KRIT1: variants seen among roughly 807,000 people sequenced by gnomAD.
KRIT1 encodes the protein KRIT1 ankyrin repeat containing, also known as krev interaction trapped protein 1.
A neutral mutation model predicts 95.8 loss-of-function variants in KRIT1; 45 were observed. The observed-to-expected ratio is 0.47, with a 90% CI of 0.37 to 0.60. The LOEUF (loss-of-function observed/expected upper bound fraction) is 0.60, where lower values mean the gene tolerates loss of function less well. Ranked by LOEUF, KRIT1 falls within the 20% of genes least tolerant of loss-of-function variation. The pLI, the probability that KRIT1 is intolerant of heterozygous loss-of-function variation, is 0.00. For missense variants in KRIT1, 788 were observed against 877.5 expected, an observed-to-expected ratio of 0.90 and a Z score of 1.29; for synonymous variants, 282 against 278.8, an observed-to-expected ratio of 1.01 and a Z score of -0.11.
intron 8 of KRIT1, among the ~76,000 whole-genome samples, 200 bp from the exon 9 acceptor site, chr7:92,235,123 C>T (rs893235491): frequency 5.3e-5 from 8 of 152,090 alleles, no homozygotes; most frequent in South Asian, 2.1e-4. Flanking sequence ...CCTCAGTCTC[C>T]GGGGTAGCTA....
intron 6 of KRIT1, among the ~76,000 whole-genome samples, chr7:92,236,957 A>C (rs536531901): frequency 6.6e-6 from 1 of 152,170 alleles, no homozygotes. Flanking sequence ...TTAATATAGT[A>C]TATCATCAGT....
chr7:92,200,768 C>T lies in KRIT1; in HGVS notation c.2179G>A (p.Gly727Arg). The change falls in exon 19 of 19, where the codon GGA (glycine) becomes AGA (arginine). Residue 727 changes from glycine (G) to arginine (R), a missense_variant. By Grantham distance (125) the Gly-to-Arg change is moderately radical (BLOSUM62 -2). Transcript: ENST00000394505. The part of the protein sequence containing the change: ...LVVKLLMKLN[G>R]QLMPTERNS Reference sequence around the variant, plus strand: ...TTTCTTTCAGTGGGCATTAACTGTCCATTTAGCTTCATTAACAGTTTTACC... The same window carrying T: ...TTTCTTTCAGTGGGCATTAACTGTCTATTTAGCTTCATTAACAGTTTTACC... The T allele has an allele frequency of 6.2e-7, 1 of 1,609,170 alleles. No homozygotes were observed. The highest frequency in any genetic ancestry group is 8.5e-7 in the Non-Finnish European group (1 of 1,175,672).
Position 92,242,034 on chromosome 7 carries a change from T to A in KRIT1, c.102A>T (p.Glu34Asp). Residue 34 changes from glutamate to aspartate, a missense_variant and splice_region_variant, in exon 4 of 19, where the codon GAA becomes GAT. Transcript: ENST00000394505. ...ATAAATTATTATTAAATGTTCTTAC[T>A]TCATATGACTTAGCTCTGTATTCCC... is the stretch of plus-strand genomic sequence containing the variant. ...NSREYRAKSY[E>D]ILLHEVPIEG... 7.0e-7 allele frequency: 1 copy of A among 1,422,430 alleles called. No homozygotes were observed. Among genetic ancestry groups the A allele is most frequent in the South Asian group, 1.2e-5 (1 of 86,556 alleles). 88.1% of individuals were successfully genotyped at this position (1,422,430 alleles called of 1,614,324 possible).
At chr7:92,240,242 A>G (rs974595778) in intron 5 of KRIT1, among the ~76,000 whole-genome samples, 8 of 152,204 alleles carry the variant, frequency 5.3e-5, no homozygotes, top group Admixed American at 1.3e-4. Context: ...TCTCTGCAAC[A>G]AAAACCATCT....
chr7:92,239,080 G>A (rs993302117), intron 5 of KRIT1, among the ~76,000 whole-genome samples: 1 of 152,132 alleles, frequency 6.6e-6, no homozygotes, highest in Non-Finnish European at 1.5e-5. Context: ...ATACAGTATG[G>A]CTCATTAATA....
At chr7:92,233,606 C>T (rs1797796282) in intron 10 of KRIT1, among the ~76,000 whole-genome samples, 1 of 151,638 alleles carries the variant, frequency 6.6e-6, no homozygotes, top group African/African-American at 2.4e-5. Flanking sequence ...GGGGTTTCAC[C>T]ATGTTAGCCA....
intron 9 of KRIT1, 56 bp from the exon 10 acceptor site, chr7:92,234,648 A>G (rs1798017229): frequency 2.1e-5 from 31 of 1,500,868 alleles, no homozygotes; most frequent in Non-Finnish European, 2.8e-5. Context: ...AATTGTTTCA[A>G]AAGAAATGTG....
At chr7:92,217,357 T>A (rs1403585538) in intron 14 of KRIT1, among the ~76,000 whole-genome samples, 1 of 152,216 alleles carries the variant, frequency 6.6e-6, no homozygotes, top group Admixed American at 6.5e-5. Context: ...TGTGCTACCA[T>A]CACTACTATC....
At position 92,227,950 on chromosome 7, in the gene KRIT1, T is replaced by G. The variant is rs184483175; in HGVS notation, c.990-1268A>C. Among the ~76,000 whole-genome samples, 763 of 152,028 alleles carry G rather than the reference T, an allele frequency of 5.0e-3. 8 individuals carry two copies. Among genetic ancestry groups the G allele is most frequent in the African/African-American group, 0.017 (701 of 41,524 alleles). On this transcript the variant is annotated intron_variant, in intron 10 of 18. Coordinates refer to ENST00000394505, the MANE Select transcript of KRIT1 (RefSeq NM_194454.3). ...TCACTTGAACCCAGGAGGCGGAGGT[T>G]GCAGTGAGCCAGAGATCGCGCCATT...
chr7:92,238,777 A>G lies in KRIT1; in HGVS notation c.263-1018T>C, dbSNP rs78901239. On this transcript the variant is annotated intron_variant, in intron 5 of 18. Transcript: ENST00000394505. ...CAGGGAAGCACTGACAAGTTAGGAG[A>G]TGAAGGTTCTAGTCCTAATTCCTCT... 4.9e-3 allele frequency among the ~76,000 whole-genome samples: 750 copies of G among 152,310 alleles called. 6 individuals are homozygous for G. The highest frequency in any genetic ancestry group is 8.2e-3 in the Non-Finnish European group (560 of 68,012).
Position 92,225,702 on chromosome 7 carries a change from T to C in KRIT1, c.1254+18A>G. 7.8e-7 allele frequency: 1 copy of C among 1,276,482 alleles called. No homozygotes were observed. The highest frequency in any genetic ancestry group is 1.1e-6 in the Non-Finnish European group (1 of 873,164). The allele number at this position is 1,276,482 out of a possible 1,614,324, so 79.1% of individuals were successfully genotyped here. ...TTTAAATACTATGCCTGGCTCTAAC[T>C]ATGAAGATAATTCTTACTGGTTTGT... On this transcript the variant is annotated intron_variant, in intron 12 of 18. Transcript: ENST00000394505.
chr7:92,235,605 G>C lies in KRIT1; in HGVS notation c.527C>G (p.Ala176Gly), dbSNP rs1798272943. The part of the protein sequence containing the change: ...ERHAQSHFIP[A>G]LFRPSPLERI... ...CTCAAGAGGAGAAGGTCGGAATAAAGCTGGAATAAAGTGAGATTGTGCATG... is the reference window on the plus strand; with the variant it reads ...CTCAAGAGGAGAAGGTCGGAATAAACCTGGAATAAAGTGAGATTGTGCATG... The change falls in exon 8 of 19, where the codon GCT becomes GGT. Residue 176 changes from alanine (A) to glycine (G), a missense_variant. Coordinates refer to ENST00000394505, the MANE Select transcript of KRIT1 (RefSeq NM_194454.3). 2.5e-6 allele frequency: 4 copies of C among 1,613,656 alleles called. No homozygotes were observed. The highest frequency in any genetic ancestry group is 3.4e-6 in the Non-Finnish European group (4 of 1,179,814).
At chr7:92,208,160 T>A (rs1291372322) in intron 17 of KRIT1, among the ~76,000 whole-genome samples, 1 of 151,858 alleles carries the variant, frequency 6.6e-6, no homozygotes, top group Admixed American at 6.6e-5. Context: ...TCAAATGCAA[T>A]GAAAATGAAA....
intron 10 of KRIT1, among the ~76,000 whole-genome samples, chr7:92,227,375 C>T (rs989014670): frequency 6.6e-6 from 1 of 152,110 alleles, no homozygotes; most frequent in Non-Finnish European, 1.5e-5. Flanking sequence ...CCAGCCTAAC[C>T]AACATGGTGA....
chr7:92,238,012 T>C (rs566201401), intron 5 of KRIT1, among the ~76,000 whole-genome samples: 2 of 152,158 alleles, frequency 1.3e-5, no homozygotes, highest in African/African-American at 4.8e-5. Context: ...GGAAAACTGT[T>C]CTGCTAAGAG....
chr7:92,246,004 C>T, upstream of KRIT1: 2 of 243,252 alleles, frequency 8.2e-6, no homozygotes, highest in South Asian at 8.1e-5. Flanking sequence ...GCCGTTCCTG[C>T]TCCTTTTCAC....
At chr7:92,210,613 A>T (rs1792588690) in intron 17 of KRIT1, among the ~76,000 whole-genome samples, 1 of 152,242 alleles carries the variant, frequency 6.6e-6, no homozygotes. Flanking sequence ...GCTTTTGGAC[A>T]TTGGTCTAGG....
chr7:92,218,678 C>A (rs1209598913), intron 14 of KRIT1, among the ~76,000 whole-genome samples: 1 of 152,156 alleles, frequency 6.6e-6, no homozygotes, highest in Non-Finnish European at 1.5e-5. Context: ...GAACCCTGAT[C>A]ATTTTTAATT....
At chr7:92,222,710 T>C in intron 13 of KRIT1, 112 bp downstream of exon 13, 2 of 714,632 alleles carry the variant, frequency 2.8e-6, no homozygotes, top group Non-Finnish European at 4.9e-6. Context: ...AGAAGAACAT[T>C]GTATTATTTC....
Sources: gnomAD v4.1 joint callset for allele counts (sites outside exome capture counted in the v4.1 genomes callset) on GRCh38, gnomAD v4.1.1 for gene constraint, MANE v1.5 for transcripts, NCBI Gene and HGNC (gene_info 2026-07-23, HGNC 2026-07-21) for gene names.